Variants in ARHGAP5 observed in about 807,000 individuals in gnomAD.
ARHGAP5 encodes Rho GTPase activating protein 5.
A neutral mutation model predicts 116.6 loss-of-function variants in ARHGAP5; 23 were observed. That is an observed-to-expected ratio of 0.20 (90% confidence interval 0.14 to 0.28). ARHGAP5 has a LOEUF of 0.28. Among genes scored for constraint, ARHGAP5 ranks in the 10% least tolerant of loss-of-function variants. ARHGAP5 has a pLI of 1.00. For synonymous variants in ARHGAP5, 574 were observed against 602.0 expected (o/e 0.95, Z 0.68); for missense variants, 1,405 against 1,774.8 (o/e 0.79, Z 3.74).
At chr14:32,108,686 T>C (rs1364636079) in intron 2 of ARHGAP5, among the ~76,000 whole-genome samples, 1 of 152,076 alleles carries the variant, frequency 6.6e-6, no homozygotes, top group African/African-American at 2.4e-5. Flanking sequence ...TATGAGACAG[T>C]ATAAAGGGAC....
intron 2 of ARHGAP5, among the ~76,000 whole-genome samples, chr14:32,114,747 G>A (rs528230953): frequency 7.2e-5 from 11 of 152,126 alleles, no homozygotes; most frequent in Non-Finnish European, 1.3e-4. Context: ...ATTTAATTAA[G>A]TATTTAAGAT....
chr14:32,123,652 G>A (rs2139084542), intron 3 of ARHGAP5, among the ~76,000 whole-genome samples: 1 of 151,998 alleles, frequency 6.6e-6, no homozygotes, highest in African/African-American at 2.4e-5. Context: ...AATTTTTATT[G>A]GATGATGTTA....
At position 32,094,065 on chromosome 14, in the gene ARHGAP5, T is replaced by A; in HGVS notation, c.3396T>A (p.Asp1132Glu). ...RNSFVNNTQG[D>E]EENGFSDRTS... ...CATTTGTAAATAACACCCAAGGAGA[T>A]GAAGAAAATGGGTTTTCTGATAGAA... The change falls in exon 2 of 7, where the codon GAT becomes GAA. Residue 1132 changes from aspartate to glutamate, a missense_variant. By Grantham distance (45) the Asp-to-Glu change is conservative (BLOSUM62 2). This residue lies in a region of ARHGAP5 where 944 missense variants were observed against 1,095.3 expected (regional missense o/e 0.86). Coordinates refer to ENST00000345122, the MANE Select transcript of ARHGAP5 (RefSeq NM_001030055.2). 6.2e-7 allele frequency: 1 copy of A among 1,614,014 alleles called. No homozygotes were observed. Among genetic ancestry groups the A allele is most frequent in the Non-Finnish European group, 8.5e-7 (1 of 1,179,968 alleles).
chr14:32,114,468 G>T (rs1879457583), intron 2 of ARHGAP5, among the ~76,000 whole-genome samples: 1 of 152,136 alleles, frequency 6.6e-6, no homozygotes, highest in African/African-American at 2.4e-5. Flanking sequence ...CTGTTTTGGT[G>T]GTGGTCGAAG....
chr14:32,130,435 T>TG (rs1457055160), intron 3 of ARHGAP5, among the ~76,000 whole-genome samples: 1 of 151,736 alleles, frequency 6.6e-6, no homozygotes, highest in Non-Finnish European at 1.5e-5. Flanking sequence ...GTTGCCAGGC[T>TG]GGTCTGGAAC....
chr14:32,119,517 A>T (rs1285159361), intron 3 of ARHGAP5, among the ~76,000 whole-genome samples: 1 of 152,150 alleles, frequency 6.6e-6, no homozygotes, highest in African/African-American at 2.4e-5. Flanking sequence ...ATCGTACAGT[A>T]TGAATTTTTA....
In ARHGAP5 at chr14:32,093,816, A is replaced by G. The variant is rs750071353; in HGVS notation, c.3147A>G (p.Thr1049=). ...PIKPKPVVPK[T]NVKKLDPNLL... ...AACCTAAACCAGTTGTACCTAAGACAAATGTGAAAAAACTCGATCCAAACC... is the reference window on the plus strand; with the variant it reads ...AACCTAAACCAGTTGTACCTAAGACGAATGTGAAAAAACTCGATCCAAACC... Residue 1049 remains threonine, a synonymous_variant, in exon 2 of 7, where the codon ACA becomes ACG. Transcript: ENST00000345122. 82 of 1,613,414 alleles carry G rather than the reference A, an allele frequency of 5.1e-5. No individual in the cohort carries two copies. The highest frequency in any genetic ancestry group is 6.9e-5 in the Non-Finnish European group (81 of 1,179,876).
In ARHGAP5 at chr14:32,156,840, G is replaced by A. The variant is rs1206153963; in HGVS notation, c.*1892G>A. ...TGGTATAGACAAAGCATCAAACTAT[G>A]TACAGGAAAAAAGCCTGACTATTTC... On this transcript the variant is annotated 3_prime_UTR_variant, in exon 7 of 7. Coordinates refer to ENST00000345122, the MANE Select transcript of ARHGAP5 (RefSeq NM_001030055.2). 6.6e-6 allele frequency: 1 copy of A among 152,244 alleles called. No individual in the cohort carries two copies. The highest frequency in any genetic ancestry group is 1.5e-5 in the Non-Finnish European group (1 of 67,782). The allele number at this position is 152,244 out of a possible 1,614,324, so 9.4% of individuals were successfully genotyped here.
intron 2 of ARHGAP5, among the ~76,000 whole-genome samples, chr14:32,115,920 G>A (rs575119635): frequency 1.3e-5 from 2 of 151,700 alleles, no homozygotes; most frequent in South Asian, 2.1e-4. Flanking sequence ...GCTTGAACCC[G>A]GGAGGCGGAG....
chr14:32,118,625 T>A (rs1879725200), intron 3 of ARHGAP5, among the ~76,000 whole-genome samples: 1 of 152,232 alleles, frequency 6.6e-6, no homozygotes, highest in African/African-American at 2.4e-5. Context: ...TTATCATTTA[T>A]TTTTCCCTTC....
chr14:32,089,764 A>G (rs2041866000), intron 1 of ARHGAP5, among the ~76,000 whole-genome samples: 10 of 151,874 alleles, frequency 6.6e-5, no homozygotes, highest in Admixed American at 6.6e-4. Flanking sequence ...CTAATAAAAA[A>G]TCAAGGCTTC....
intron 2 of ARHGAP5, among the ~76,000 whole-genome samples, chr14:32,097,738 GTAT>G (rs1360170398): frequency 6.6e-6 from 1 of 152,100 alleles, no homozygotes; most frequent in Non-Finnish European, 1.5e-5. Flanking sequence ...TACTAAAGTA[GTAT>G]TTATCTACTG....
rs183328635 is a variant in ARHGAP5, at chr14:32,142,813, A to G, written c.3866-3450A>G. 2.0e-3 allele frequency among the ~76,000 whole-genome samples: 304 copies of G among 152,310 alleles called. 4 individuals are homozygous for G. Among genetic ancestry groups the G allele is most frequent in the Non-Finnish European group, 7.2e-4 (49 of 68,032 alleles). ...TTACTGGTTGTTGTAATTTTTTAATAGATTACAGAGTTCTGCAAACGTTGA... is the reference window on the plus strand; with the variant it reads ...TTACTGGTTGTTGTAATTTTTTAATGGATTACAGAGTTCTGCAAACGTTGA... On this transcript the variant is annotated intron_variant, in intron 3 of 6. Coordinates refer to ENST00000345122, the MANE Select transcript of ARHGAP5 (RefSeq NM_001030055.2).
chr14:32,111,596 C>CA (rs1237248106), intron 2 of ARHGAP5, among the ~76,000 whole-genome samples: 5 of 152,032 alleles, frequency 3.3e-5, no homozygotes. Flanking sequence ...AGTTTGTCTG[C>CA]AAAAGGGAGT....
chr14:32,102,883 C>A (rs1376195942), intron 2 of ARHGAP5, among the ~76,000 whole-genome samples: 1 of 152,190 alleles, frequency 6.6e-6, no homozygotes, highest in Non-Finnish European at 1.5e-5. Context: ...CTGTTAGAAA[C>A]TAATATGGGG....
chr14:32,123,803 T>C (rs934646031), intron 3 of ARHGAP5, among the ~76,000 whole-genome samples: 2 of 152,312 alleles, frequency 1.3e-5, no homozygotes, highest in Admixed American at 6.5e-5. Flanking sequence ...CTTTCTAAGA[T>C]GGATTGTAAG....
At chr14:32,110,643 A>C (rs1344207795) in intron 2 of ARHGAP5, among the ~76,000 whole-genome samples, 1 of 152,192 alleles carries the variant, frequency 6.6e-6, no homozygotes, top group African/African-American at 2.4e-5. Flanking sequence ...ATGTCTATTC[A>C]AGGAGCCAAC....
chr14:32,133,633 G>T (rs967352312), intron 3 of ARHGAP5, among the ~76,000 whole-genome samples: 6 of 152,114 alleles, frequency 3.9e-5, no homozygotes, highest in African/African-American at 1.4e-4. Context: ...AATAGGAGTG[G>T]TGAGAGAGGG....
In ARHGAP5 at chr14:32,090,419, G is replaced by C. The variant is rs1290505141; in HGVS notation, c.-168-83G>C. On this transcript the variant is annotated intron_variant, in intron 1 of 6. Coordinates refer to ENST00000345122, the MANE Select transcript of ARHGAP5 (RefSeq NM_001030055.2). ...TGTATCATTATTATTAATTTGTATG[G>C]TGCTTTGTTGTAAACATCTTTATTG... 4 of 449,492 alleles carry C rather than the reference G, an allele frequency of 8.9e-6. No individual in the cohort carries two copies. The East Asian group carries it at 9.8e-5, about 11-fold the overall frequency. The allele number at this position is 449,492 out of a possible 1,614,324, so 27.8% of individuals were successfully genotyped here.
Sources: gnomAD v4.1 joint callset for allele counts (sites outside exome capture counted in the v4.1 genomes callset) on GRCh38, gnomAD v4.1.1 for gene constraint, gnomAD v4.1.1 regional missense constraint, MANE v1.5 for transcripts, NCBI Gene and HGNC (gene_info 2026-07-23, HGNC 2026-07-21) for gene names.